The following CHTF8 variants were observed in gnomAD, a reference collection of about 807,000 sequenced individuals.
CHTF8 encodes the protein chromosome transmission fidelity factor 8, also known as chromosome transmission fidelity protein 8 homolog.
In CHTF8, 6 loss-of-function variants were observed where a neutral mutation model predicts 11.0. The observed-to-expected ratio is 0.55, with a 90% confidence interval of 0.30 to 1.08. CHTF8 has a LOEUF of 1.08. CHTF8 is among the 50% of genes least tolerant of loss of function. CHTF8 has a pLI of 0.07. For synonymous variants in CHTF8, 53 were observed against 60.5 expected, an observed-to-expected ratio of 0.88 and a Z score of 0.57; for missense variants, 140 against 153.1, an observed-to-expected ratio of 0.91 and a Z score of 0.45.
intron 1 of CHTF8, among the ~76,000 whole-genome samples, chr16:69,127,907 G>T (rs1313470391): frequency 6.6e-6 from 1 of 150,986 alleles, no homozygotes; most frequent in Non-Finnish European, 1.5e-5. Context: ...ACCGTGCCCG[G>T]CCAAATTTCT....
chr16:69,121,025 T>C, intron 3 of CHTF8, 28 bp downstream of exon 3: 5 of 1,582,924 alleles, frequency 3.2e-6, no homozygotes, highest in Non-Finnish European at 4.3e-6. Context: ...TCCTGAGGCA[T>C]TAGGCAGGGA....
At chr16:69,125,029 C>T (rs1208488503) in intron 1 of CHTF8, among the ~76,000 whole-genome samples, 1 of 152,034 alleles carries the variant, frequency 6.6e-6, no homozygotes, top group East Asian at 1.9e-4. Flanking sequence ...CTCAGCCTCC[C>T]GAGTAGCTAG....
chr16:69,124,846 C>T (rs1961940307), intron 1 of CHTF8, among the ~76,000 whole-genome samples: 1 of 152,064 alleles, frequency 6.6e-6, no homozygotes, highest in Non-Finnish European at 1.5e-5. Context: ...GATCTGCAGC[C>T]TTATAGTATG....
intron 1 of CHTF8, among the ~76,000 whole-genome samples, chr16:69,126,529 C>A (rs149616898): frequency 2.6e-5 from 4 of 152,356 alleles, no homozygotes; most frequent in African/African-American, 9.6e-5. Flanking sequence ...CTGTGGCCCA[C>A]AGGCCTCAGC....
Position 69,120,750 on chromosome 16 carries a change from A to T in CHTF8, c.142-101T>A, listed in dbSNP as rs1597109368. ...CTTGGCAGGCTATGCTGGCACCTCC[A>T]ATCCCTGGTCTGGCTCTGCCATTGT... On this transcript the variant is annotated intron_variant, in intron 3 of 3. Coordinates refer to ENST00000448552, the MANE Select transcript of CHTF8 (RefSeq NM_001039690.5). This position sits in a 1 kb window ranked among gnomAD's most constrained non-coding sequence, Gnocchi z 4.0. 10 of 1,020,750 alleles carry T rather than the reference A, an allele frequency of 9.8e-6. No homozygotes were observed. In the East Asian group the frequency reaches 2.4e-4, roughly 25 times the overall value. The allele number at this position is 1,020,750 out of a possible 1,614,324, so 63.2% of individuals were successfully genotyped here.
At chr16:69,130,252 G>C (rs1479891518) in intron 1 of CHTF8, among the ~76,000 whole-genome samples, 1 of 152,036 alleles carries the variant, frequency 6.6e-6, no homozygotes, top group Admixed American at 6.6e-5. Flanking sequence ...TTGACTCAAC[G>C]GTTTAACCTC....
At chr16:69,128,483 C>T (rs1962250738) in intron 1 of CHTF8, among the ~76,000 whole-genome samples, 1 of 152,182 alleles carries the variant, frequency 6.6e-6, no homozygotes, top group African/African-American at 2.4e-5. Flanking sequence ...TCCCCAATCT[C>T]ATGAGGAGGG....
chr16:69,130,601 A>G (rs1018663727), intron 1 of CHTF8, among the ~76,000 whole-genome samples: 3 of 152,204 alleles, frequency 2.0e-5, no homozygotes, highest in African/African-American at 7.2e-5. Context: ...TTTCCTAACA[A>G]TACACTGGGC....
intron 1 of CHTF8, among the ~76,000 whole-genome samples, chr16:69,123,674 C>T (rs572941430): frequency 6.6e-6 from 1 of 152,082 alleles, no homozygotes; most frequent in African/African-American, 2.4e-5. Context: ...TCAATAAATC[C>T]AAGGGAACTG....
In CHTF8 at chr16:69,132,571, G is replaced by A. The variant is rs1962641341; in HGVS notation, c.-123C>T. The A allele has an allele frequency of 5.0e-6, 2 of 403,596 alleles. No homozygotes were observed. The highest frequency in any genetic ancestry group is 3.3e-5 in the South Asian group (2 of 60,212). 25.0% of individuals were successfully genotyped at this position (403,596 alleles called of 1,614,324 possible). On this transcript the variant is annotated 5_prime_UTR_variant, in exon 1 of 4. Coordinates refer to ENST00000448552, the MANE Select transcript of CHTF8 (RefSeq NM_001039690.5). ...CGCCGTCGCCGCCGCCGCGAGCACTGCCTGCGCACTTCCGACTATGCGCCA... is the reference window on the plus strand; with the variant it reads ...CGCCGTCGCCGCCGCCGCGAGCACTACCTGCGCACTTCCGACTATGCGCCA...
rs1317809004 is a variant in CHTF8 at position 69,124,676 on chromosome 16, ATTTC to A, written c.-35-3187_-35-3184del. Among the ~76,000 whole-genome samples, 7 of 151,836 alleles carry A rather than the reference ATTTC, an allele frequency of 4.6e-5. No homozygotes were observed. The East Asian group carries it at 5.8e-4, about 13-fold the overall frequency. The stretch of plus-strand genomic sequence containing the variant: ...AGGAGTGAGCCACCACCCCCAGCCG[ATTTC>A]TTTAAGAGACAGGTCTTACTATGTT... On this transcript the variant is annotated intron_variant, in intron 1 of 3. Transcript: ENST00000448552.
chr16:69,118,141 T>TTC lies in CHTF8; in HGVS notation c.*2283_*2284insGA. 4.6e-6 allele frequency: 1 copy of TTC among 219,374 alleles called. No homozygotes were observed. The highest frequency in any genetic ancestry group is 9.3e-6 in the Non-Finnish European group (1 of 107,938). The allele number at this position is 219,374 out of a possible 1,614,324, so 13.6% of individuals were successfully genotyped here. The stretch of plus-strand genomic sequence containing the variant: ...CTTCATCCCCCACCCCCACCCTAAT[T>TTC]CCCATATTCCCATCCACATCAGTTT... On this transcript the variant is annotated 3_prime_UTR_variant, in exon 4 of 4. Transcript: ENST00000448552.
At chr16:69,130,829 G>C (rs540004951) in intron 1 of CHTF8, among the ~76,000 whole-genome samples, 1 of 152,280 alleles carries the variant, frequency 6.6e-6, no homozygotes, top group Non-Finnish European at 1.5e-5. Context: ...AAAGCAGCAG[G>C]TCATCAGAAT....
intron 1 of CHTF8, among the ~76,000 whole-genome samples, chr16:69,124,479 A>G (rs961882588): frequency 2.0e-5 from 3 of 152,164 alleles, no homozygotes; most frequent in South Asian, 2.1e-4. Context: ...GCTGGAGTGC[A>G]GTGGCATGAT....
chr16:69,132,228 A>G (rs1293783192), intron 1 of CHTF8: 2 of 61,694 alleles, frequency 3.2e-5, no homozygotes, highest in African/African-American at 1.3e-4. Flanking sequence ...CTTCCCCCAC[A>G]CTCCTGGCCC....
Position 69,120,120 on chromosome 16 carries a change from A to C in CHTF8, c.*305T>G, listed in dbSNP as rs1171350133. On this transcript the variant is annotated 3_prime_UTR_variant, in exon 4 of 4. Coordinates refer to ENST00000448552, the MANE Select transcript of CHTF8 (RefSeq NM_001039690.5). The surrounding 1 kb of genome is among the most constrained non-coding windows in gnomAD (Gnocchi z 4.0). ...AAGAAACTGCACCTGTGCCAGTGGG[A>C]TTCATCCCTCTTGGAAAAGAAGCCA... is the stretch of plus-strand genomic sequence containing the variant. 1 of 701,264 alleles carries C rather than the reference A, an allele frequency of 1.4e-6. No individual in the cohort carries two copies. The highest frequency in any genetic ancestry group is 2.6e-6 in the Non-Finnish European group (1 of 384,810). 43.4% of individuals were successfully genotyped at this position (701,264 alleles called of 1,614,324 possible).
chr16:69,131,865 T>C (rs963595617), intron 1 of CHTF8, among the ~76,000 whole-genome samples: 1 of 151,672 alleles, frequency 6.6e-6, no homozygotes, highest in African/African-American at 2.4e-5. Context: ...CAAAAGAACC[T>C]GGAATGACTC....
chr16:69,131,008 G>A lies in CHTF8; in HGVS notation c.-36+1476C>T, dbSNP rs547904141. 1.3e-3 allele frequency among the ~76,000 whole-genome samples: 192 copies of A among 152,248 alleles called. 1 individual carries two copies. The highest frequency in any genetic ancestry group is 4.5e-3 in the African/African-American group (187 of 41,548). On this transcript the variant is annotated intron_variant, in intron 1 of 3. Transcript: ENST00000448552. ...AACGTTTTACATACAACCGAATACA[G>A]ATTATTTTTATTTGTAGTGTTATCG...
In CHTF8 at chr16:69,125,514, C is replaced by T. The variant is rs117114130; in HGVS notation, c.-35-4021G>A. ...AAAGGAAAAAAAGTATTAATGAGAA[C>T]GAAAAAGAATCAAGGCATCAGGCAG... On this transcript the variant is annotated intron_variant, in intron 1 of 3. Coordinates refer to ENST00000448552, the MANE Select transcript of CHTF8 (RefSeq NM_001039690.5). Among the ~76,000 whole-genome samples, 540 of 152,054 alleles carry T rather than the reference C, an allele frequency of 3.6e-3. 13 individuals carry two copies. The East Asian group carries it at 0.046, about 13-fold the overall frequency.
Sources: gnomAD v4.1 joint callset for allele counts (sites outside exome capture counted in the v4.1 genomes callset) on GRCh38, gnomAD v4.1.1 for gene constraint, Gnocchi (gnomAD v3.1) non-coding constraint, MANE v1.5 for transcripts, NCBI Gene and HGNC (gene_info 2026-07-23, HGNC 2026-07-21) for gene names.